Variants in FAM78B observed in about 807,000 individuals in gnomAD.
FAM78B encodes the protein family with sequence similarity 78 member B.
In FAM78B, 10 loss-of-function variants were observed where a neutral mutation model predicts 20.0. The observed-to-expected ratio is 0.50, with a 90% CI of 0.31 to 0.85. The LOEUF (loss-of-function observed/expected upper bound fraction) is 0.85. FAM78B is among the 40% of genes least tolerant of loss of function. The probability of loss-of-function intolerance (pLI) is 0.05; values close to 1 mark genes in which losing one functional copy is unlikely to be tolerated. For synonymous variants in FAM78B, 135 were observed against 132.8 expected, an observed-to-expected ratio of 1.02 and a Z score of -0.12; for missense variants, 283 against 345.0, an observed-to-expected ratio of 0.82 and a Z score of 1.42.
chr1:166,084,699 C>T (rs1652743143), intron 1 of FAM78B, among the ~76,000 whole-genome samples: 1 of 152,188 alleles, frequency 6.6e-6, no homozygotes, highest in Non-Finnish European at 1.5e-5. Flanking sequence ...GTTCTAGCTC[C>T]TCCTGAATGA....
rs886726322 is a variant in FAM78B at position 166,154,634 on chromosome 1, C to A, written c.263+11352G>T. ...AGACCTGGACCCTCAGCAAACCTGG[C>A]TGGGGGGCAGGGGCAGGCAGTGATG... On this transcript the variant is annotated intron_variant, in intron 1 of 1. Coordinates refer to ENST00000354422, the MANE Select transcript of FAM78B (RefSeq NM_001017961.5). 6 of 475,546 alleles carry A rather than the reference C, an allele frequency of 1.3e-5. No homozygotes were observed. The Admixed American group carries it at 1.3e-4, about 11-fold the overall frequency. The allele number at this position is 475,546 out of a possible 1,614,324, so 29.5% of individuals were successfully genotyped here. A position where few individuals can be genotyped will look rare whatever the true frequency, so the allele number is the denominator to read the frequency against.
chr1:166,132,504 T>A (rs989710487), intron 1 of FAM78B, among the ~76,000 whole-genome samples: 1 of 152,136 alleles, frequency 6.6e-6, no homozygotes, highest in African/African-American at 2.4e-5. Flanking sequence ...AAAACCCAGG[T>A]GTGTGCAAAG....
chr1:166,082,622 TG>T (rs1286872547), intron 1 of FAM78B: 1 of 152,286 alleles, frequency 6.6e-6, no homozygotes, highest in Non-Finnish European at 1.5e-5. Context: ...CTAGACTGCA[TG>T]CGTCCTGAGG....
At chr1:166,080,086 T>C (rs945837367) in intron 1 of FAM78B, among the ~76,000 whole-genome samples, 2 of 152,292 alleles carry the variant, frequency 1.3e-5, no homozygotes, top group Admixed American at 6.5e-5. Flanking sequence ...TTTCCGCTAG[T>C]GAGGGGCAGA....
chr1:166,107,001 G>A (rs577248413), intron 1 of FAM78B, among the ~76,000 whole-genome samples: 5 of 151,962 alleles, frequency 3.3e-5, no homozygotes, highest in East Asian at 1.9e-4. Flanking sequence ...CAACAAAGAC[G>A]GTGCTAAGAG....
intron 2 of FAM78B, among the ~76,000 whole-genome samples, chr1:166,060,902 G>A (rs1345190962): frequency 3.3e-5 from 5 of 152,078 alleles, no homozygotes; most frequent in Non-Finnish European, 5.9e-5. Flanking sequence ...TAATATTAAA[G>A]GTTTACAGGT....
rs746434862 is a variant in FAM78B at position 166,070,276 on chromosome 1, G to A, written c.751C>T (p.Arg251Trp). The change falls in exon 2 of 2, where the codon CGG becomes TGG. Residue 251 changes from arginine to tryptophan, a missense_variant. Physicochemically the swap from Arg to Trp is moderately radical, Grantham distance 101. Transcript: ENST00000354422. ...DAQVLMWRPK[R>W]GPPLVVIPPK ...GGGATCACAACCAGAGGTGGCCCCC[G>A]CTTGGGCCTCCACATGAGGACCTGG... 10 of 1,558,380 alleles carry A rather than the reference G, an allele frequency of 6.4e-6. No individual in the cohort carries two copies. In the South Asian group the frequency reaches 7.4e-5, roughly 11 times the overall value.
At chr1:166,096,174 C>A (rs1406669891) in intron 1 of FAM78B, among the ~76,000 whole-genome samples, 1 of 152,234 alleles carries the variant, frequency 6.6e-6, no homozygotes, top group Admixed American at 6.5e-5. Context: ...CGAACCTCTG[C>A]TGTTCTCAGC....
intron 1 of FAM78B, among the ~76,000 whole-genome samples, chr1:166,121,510 C>T (rs1029305662): frequency 6.6e-6 from 1 of 152,160 alleles, no homozygotes; most frequent in Non-Finnish European, 1.5e-5. Flanking sequence ...GTGTTCTTGG[C>T]CCTTCAGAGC....
intron 1 of FAM78B, among the ~76,000 whole-genome samples, chr1:166,137,330 G>A (rs1203242828): frequency 6.6e-6 from 1 of 152,208 alleles, no homozygotes; most frequent in Non-Finnish European, 1.5e-5. Flanking sequence ...GGCATGCAAA[G>A]GACTGAAAGG....
intron 1 of FAM78B, among the ~76,000 whole-genome samples, chr1:166,072,336 A>G (rs1416967462): frequency 6.6e-6 from 1 of 152,204 alleles, no homozygotes; most frequent in Non-Finnish European, 1.5e-5. Flanking sequence ...CACAGCTGCA[A>G]GAGCCTTTTT....
At position 166,166,951 on chromosome 1, in the gene FAM78B, G is replaced by T. The variant is rs959931646; in HGVS notation, c.-703C>A. On this transcript the variant is annotated 5_prime_UTR_variant, in exon 1 of 2. Transcript: ENST00000354422. Reference sequence around the variant, plus strand: ...GTGGCCCGGGGTGGAGAGCCCCAACGGCTGGAGCAGCACAGGACGTGCTCC... The same window carrying T: ...GTGGCCCGGGGTGGAGAGCCCCAACTGCTGGAGCAGCACAGGACGTGCTCC... 6.6e-6 allele frequency: 1 copy of T among 151,830 alleles called. No individual in the cohort carries two copies. Among genetic ancestry groups the T allele is most frequent in the Non-Finnish European group, 1.5e-5 (1 of 68,000 alleles). 9.4% of individuals were successfully genotyped at this position (151,830 alleles called of 1,614,324 possible).
chr1:166,101,060 C>T (rs2101746833), intron 1 of FAM78B, among the ~76,000 whole-genome samples: 1 of 152,344 alleles, frequency 6.6e-6, no homozygotes, highest in East Asian at 1.9e-4. Flanking sequence ...GCAGCCTCCG[C>T]TGCTGATACC....
chr1:166,057,041 C>T (rs13374516), downstream of FAM78B, among the ~76,000 whole-genome samples: 7 of 152,172 alleles, frequency 4.6e-5, no homozygotes, highest in African/African-American at 1.4e-4. Context: ...CCCCAGTCAT[C>T]GAATCTGCCA....
intron 1 of FAM78B, among the ~76,000 whole-genome samples, chr1:166,106,354 A>G (rs1247042765): frequency 1.3e-5 from 2 of 151,954 alleles, no homozygotes; most frequent in African/African-American, 2.4e-5. Context: ...TTAAATAAAA[A>G]AAAAAGAAAA....
intron 1 of FAM78B, among the ~76,000 whole-genome samples, chr1:166,136,991 G>A (rs1655088950): frequency 6.6e-6 from 1 of 152,148 alleles, no homozygotes; most frequent in Admixed American, 6.5e-5. Context: ...AGGATACTAA[G>A]CTCCTAATGG....
chr1:166,108,903 A>C (rs767875818), intron 1 of FAM78B, among the ~76,000 whole-genome samples: 1 of 152,214 alleles, frequency 6.6e-6, no homozygotes, highest in Non-Finnish European at 1.5e-5. Context: ...AAAAACATCC[A>C]GTGGGGGAAA....
intron 1 of FAM78B, among the ~76,000 whole-genome samples, chr1:166,142,400 G>T (rs1655311476): frequency 6.6e-6 from 1 of 152,194 alleles, no homozygotes. Context: ...ACACGGGGCA[G>T]CAGCAGAAGC....
Position 166,078,009 on chromosome 1 carries a change from A to G in FAM78B, c.264-7246T>C, listed in dbSNP as rs375635404. Among the ~76,000 whole-genome samples, 137 of 123,430 alleles carry G rather than the reference A, an allele frequency of 1.1e-3. 3 individuals carry two copies. The East Asian group carries it at 0.028, about 25-fold the overall frequency. 81.0% of individuals were successfully genotyped at this position (123,430 alleles called of 152,430 possible). A position where few individuals can be genotyped will look rare whatever the true frequency, so the allele number is the denominator to read the frequency against. ...ATTTATATATATAATTATATATATA[A>G]TAAATATATATACAAAATAAAATAT... On this transcript the variant is annotated intron_variant, in intron 1 of 1. Coordinates refer to ENST00000354422, the MANE Select transcript of FAM78B (RefSeq NM_001017961.5).
Sources: allele counts gnomAD v4.1 joint callset (sites outside exome capture counted in the v4.1 genomes callset), GRCh38; gene constraint gnomAD v4.1.1; transcripts MANE v1.5; gene names NCBI Gene and HGNC (gene_info 2026-07-23, HGNC 2026-07-21).